The following CPB1 variants were observed in gnomAD, a reference collection of about 807,000 sequenced individuals.
CPB1 encodes the protein carboxypeptidase B1, also known as carboxypeptidase B.
A neutral mutation model predicts 51.4 loss-of-function variants in CPB1; 53 were observed. The ratio of observed to expected loss-of-function variants is 1.03; its 90% CI spans 0.83 to 1.30. The LOEUF (loss-of-function observed/expected upper bound fraction) is 1.30. CPB1 is among the 50% of genes most tolerant of loss of function. The probability of loss-of-function intolerance (pLI) is 0.00; values close to 1 mark genes in which losing one functional copy is unlikely to be tolerated. For synonymous variants in CPB1, 189 were observed against 186.9 expected (o/e 1.01, Z -0.09); for missense variants, 494 against 516.2 (o/e 0.96, Z 0.42).
intron 10 of CPB1, among the ~76,000 whole-genome samples, chr3:148,859,146 G>A (rs1216221051): frequency 1.3e-5 from 2 of 152,074 alleles, no homozygotes; most frequent in East Asian, 1.9e-4. Context: ...ACTTTGGAGG[G>A]CAGAGCCAAC....
intron 10 of CPB1, among the ~76,000 whole-genome samples, 154 bp from the exon 11 acceptor site, chr3:148,859,661 C>A (rs1014613606): frequency 6.6e-6 from 1 of 152,292 alleles, no homozygotes; most frequent in Non-Finnish European, 1.5e-5. Context: ...TTTAAAACAG[C>A]CCCCATAACA....
intron 9 of CPB1, among the ~76,000 whole-genome samples, chr3:148,847,074 C>A (rs1296327785): frequency 1.3e-5 from 2 of 149,908 alleles, no homozygotes; most frequent in African/African-American, 4.9e-5. Flanking sequence ...TAACTACATA[C>A]TAATGAGTTA....
chr3:148,852,131 A>T (rs566775071), intron 9 of CPB1, among the ~76,000 whole-genome samples: 1 of 152,360 alleles, frequency 6.6e-6, no homozygotes, highest in African/African-American at 2.4e-5. Context: ...GGTGTTTAAA[A>T]GATAGCTGTA....
rs544010692 is a variant in CPB1 at position 148,838,951 on chromosome 3, C to T, written c.273-1735C>T. Among the ~76,000 whole-genome samples, 26 of 152,150 alleles carry T rather than the reference C, an allele frequency of 1.7e-4. No individual in the cohort carries two copies. The Middle Eastern group carries it at 0.01, about 60-fold the overall frequency. ...TATAGTGCTGACTAAAATCATTGTT[C>T]CTAACTATAAGAGACAGACTGATGG... is the stretch of plus-strand genomic sequence containing the variant. On this transcript the variant is annotated intron_variant, in intron 3 of 10. Transcript: ENST00000282957.
intron 3 of CPB1, among the ~76,000 whole-genome samples, chr3:148,835,309 G>A (rs984546703): frequency 1.3e-5 from 2 of 152,120 alleles, no homozygotes; most frequent in Non-Finnish European, 2.9e-5. Flanking sequence ...GTTCCAATAA[G>A]GACAGATATG....
chr3:148,852,459 A>G (rs1475187534), intron 9 of CPB1, among the ~76,000 whole-genome samples: 1 of 152,228 alleles, frequency 6.6e-6, no homozygotes, highest in Non-Finnish European at 1.5e-5. Context: ...CAAAACGTCA[A>G]GAGTGCCAAG....
At chr3:148,834,771 T>C (rs1424435619) in intron 3 of CPB1, 149 bp downstream of exon 3, 1 of 676,730 alleles carries the variant, frequency 1.5e-6, no homozygotes, top group Non-Finnish European at 2.4e-6. Context: ...TGGCCCTGGA[T>C]TCCAAGTCTT....
chr3:148,851,962 A>G (rs757011637), intron 9 of CPB1: 12 of 152,176 alleles, frequency 7.9e-5, no homozygotes, highest in Non-Finnish European at 1.5e-4. Flanking sequence ...ACAACAAACA[A>G]TTTTTATTGT....
At chr3:148,839,306 T>C (rs1253017015) in intron 3 of CPB1, among the ~76,000 whole-genome samples, 1 of 152,180 alleles carries the variant, frequency 6.6e-6, no homozygotes, top group Non-Finnish European at 1.5e-5. Flanking sequence ...GATAACTCTT[T>C]TTTGGCCACA....
intron 2 of CPB1, 113 bp from the exon 3 acceptor site, chr3:148,834,385 C>A: frequency 9.7e-7 from 1 of 1,035,690 alleles, no homozygotes; most frequent in Non-Finnish European, 1.5e-6. Flanking sequence ...CAACAGATTT[C>A]ATGGATGATT....
intron 6 of CPB1, among the ~76,000 whole-genome samples, chr3:148,843,508 G>A (rs927900995): frequency 3.9e-5 from 6 of 152,024 alleles, no homozygotes; most frequent in African/African-American, 1.4e-4. Context: ...CTGCCTTTCA[G>A]AAGAGGATAA....
chr3:148,860,064 TC>T lies in CPB1; in HGVS notation c.*63del. On this transcript the variant is annotated 3_prime_UTR_variant, in exon 11 of 11. Transcript: ENST00000282957. ...TTTTCATTTCTTTTCTTTCTTGAAT[TC>T]TTATTTTGGTTTGCCTGGATGTTTT... 6.5e-7 allele frequency: 1 copy of T among 1,537,702 alleles called. No homozygotes were observed. Among genetic ancestry groups the T allele is most frequent in the Non-Finnish European group, 8.9e-7 (1 of 1,129,442 alleles).
chr3:148,841,149 T>G (rs967783585), intron 5 of CPB1, among the ~76,000 whole-genome samples, 174 bp downstream of exon 5: 1 of 152,252 alleles, frequency 6.6e-6, no homozygotes, highest in African/African-American at 2.4e-5. Context: ...TGTGGATTTT[T>G]AAATCATTAT....
chr3:148,844,502 A>G lies in CPB1; in HGVS notation c.601A>G (p.Ile201Val). 6.2e-7 allele frequency: 1 copy of G among 1,613,848 alleles called. No homozygotes were observed. Among genetic ancestry groups the G allele is most frequent in the South Asian group, 1.1e-5 (1 of 91,066 alleles). Residue 201 changes from isoleucine (I) to valine (V), a missense_variant, in exon 7 of 11, where the codon ATC (isoleucine) becomes GTC (valine). Coordinates refer to ENST00000282957, the MANE Select transcript of CPB1 (RefSeq NM_001871.3). ...GGCTGTTCGTACCTATGGACGTGAG[A>G]TCCAAGTGACAGAGCTTCTCGACAA... Reference protein sequence around the residue: ...REAVRTYGREIQVTELLDKLD... With the variant: ...REAVRTYGREVQVTELLDKLD...
chr3:148,834,656 T>G (rs1559956672), intron 3 of CPB1, 34 bp downstream of exon 3: 2 of 1,581,182 alleles, frequency 1.3e-6, no homozygotes, highest in East Asian at 4.5e-5. Context: ...TAAAATTCTC[T>G]CCCATGCATG....
chr3:148,834,480 A>G lies in CPB1; in HGVS notation c.148-18A>G, dbSNP rs1469689173. ...CCATTGAATTATAGGTATCCAATAT[A>G]TCTTGTCCTTTATTCAGATTGACTT... On this transcript the variant is annotated intron_variant, in intron 2 of 10. Transcript: ENST00000282957. 6.2e-7 allele frequency: 1 copy of G among 1,610,652 alleles called. No individual in the cohort carries two copies. The highest frequency in any genetic ancestry group is 8.5e-7 in the Non-Finnish European group (1 of 1,177,046).
intron 9 of CPB1, among the ~76,000 whole-genome samples, chr3:148,847,372 TAAA>T (rs3043983): frequency 0.012 from 1,072 of 86,716 alleles, 5 homozygotes; most frequent in African/African-American, 0.039. Context: ...AAATCATTCT[TAAA>T]AAAAAAAAAA....
intron 4 of CPB1, 35 bp downstream of exon 4, chr3:148,840,820 T>C (rs1459465669): frequency 6.2e-7 from 1 of 1,613,580 alleles, no homozygotes; most frequent in Admixed American, 1.7e-5. Flanking sequence ...AGATATTACT[T>C]TGGGAATTGA....
At chr3:148,835,430 G>C (rs141314854) in intron 3 of CPB1, among the ~76,000 whole-genome samples, 2 of 152,156 alleles carry the variant, frequency 1.3e-5, no homozygotes. Context: ...GCAAGTCTAG[G>C]GGTCAGGGAG....
Sources: gnomAD v4.1 joint callset for allele counts (sites outside exome capture counted in the v4.1 genomes callset) on GRCh38, gnomAD v4.1.1 for gene constraint, MANE v1.5 for transcripts, NCBI Gene and HGNC (gene_info 2026-07-23, HGNC 2026-07-21) for gene names.